The following BTD variants were observed in gnomAD, a reference collection of about 807,000 sequenced individuals.
The protein encoded by BTD is biotinidase.
Under a neutral mutation model 17.7 loss-of-function variants are expected in BTD, and 13 were observed. The ratio of observed to expected loss-of-function variants is 0.74; its 90% CI spans 0.48 to 1.17. The LOEUF is 1.17. Ranked by LOEUF, BTD falls within the 50% of genes most tolerant of loss-of-function variation. The pLI is 0.00. For missense variants in BTD, 674 were observed against 650.4 expected (o/e 1.04, Z -0.39); for synonymous variants, 240 against 245.2 (o/e 0.98, Z 0.20).
intron 3 of BTD, among the ~76,000 whole-genome samples, chr3:15,692,026 G>C (rs1265715549): frequency 6.6e-6 from 1 of 151,816 alleles, no homozygotes; most frequent in East Asian, 1.9e-4. Context: ...TGTGGTCCCA[G>C]CTATGCAGGA....
In BTD at chr3:15,676,803, T is replaced by C. The variant is rs1395665225; in HGVS notation, c.400-33257T>C. 3 of 483,518 alleles carry C rather than the reference T, an allele frequency of 6.2e-6. No homozygotes were observed. The East Asian group carries it at 1.0e-4, about 17-fold the overall frequency. The allele number at this position is 483,518 out of a possible 1,614,324, so 30.0% of individuals were successfully genotyped here. ...CAGTTCAAAAGCATTTTAAATAATA[T>C]GGCTTTTAGTTGTGATCATTTTAGA... On this transcript the variant is annotated intron_variant, in intron 3 of 3. Transcript: ENST00000672141.
chr3:15,686,284 T>A (rs1316494282), intron 3 of BTD: 2 of 1,587,042 alleles, frequency 1.3e-6, no homozygotes, highest in Non-Finnish European at 1.7e-6. Context: ...TTAATAGCCG[T>A]AAGCATTCTG....
chr3:15,655,708 A>T (rs973217010), downstream of BTD, among the ~76,000 whole-genome samples: 1 of 152,032 alleles, frequency 6.6e-6, no homozygotes, highest in Non-Finnish European at 1.5e-5. Context: ...ATCCTTGGAG[A>T]CTCTCATTGT....
exon 4 of BTD, chr3:15,711,404 G>A (rs770157408): frequency 1.5e-6 from 1 of 676,462 alleles, no homozygotes; most frequent in African/African-American, 1.8e-5. Flanking sequence ...AAGTGCTAGA[G>A]TGCCTGTTTA....
At chr3:15,721,447 A>G (rs2073717430) in intron 4 of BTD, among the ~76,000 whole-genome samples, 1 of 152,230 alleles carries the variant, frequency 6.6e-6, no homozygotes, top group Non-Finnish European at 1.5e-5. Flanking sequence ...CGTTCTAGGT[A>G]AAGGATTTAC....
intron 1 of BTD, among the ~76,000 whole-genome samples, chr3:15,628,491 T>G (rs151125972): frequency 2.6e-5 from 4 of 152,360 alleles, no homozygotes; most frequent in Admixed American, 6.5e-5. Flanking sequence ...GTCCACATTA[T>G]CTAGAAGGTG....
At chr3:15,665,463 A>C (rs981367434) in intron 3 of BTD, among the ~76,000 whole-genome samples, 2 of 152,244 alleles carry the variant, frequency 1.3e-5, no homozygotes, top group African/African-American at 4.8e-5. Context: ...CTGCCAAGCA[A>C]GAACTTTCCA....
chr3:15,702,854 T>A (rs2070812523), intron 3 of BTD, among the ~76,000 whole-genome samples: 1 of 152,064 alleles, frequency 6.6e-6, no homozygotes, highest in South Asian at 2.1e-4. Context: ...AAAATCAGTT[T>A]TAAAAAATAC....
chr3:15,608,821 C>T (rs117195838), intron 1 of BTD, among the ~76,000 whole-genome samples: 3,320 of 151,988 alleles, frequency 0.022, 218 homozygotes, highest in Admixed American at 0.12. Flanking sequence ...ATTCCATACT[C>T]GGGGGAGTGT....
downstream of BTD, among the ~76,000 whole-genome samples, chr3:15,715,336 A>C (rs2072876047): frequency 6.6e-6 from 1 of 152,232 alleles, no homozygotes; most frequent in Non-Finnish European, 1.5e-5. Flanking sequence ...TCACAGCAAC[A>C]TTCAGCATGC....
At chr3:15,636,412 A>C (rs2065349268) in intron 2 of BTD, among the ~76,000 whole-genome samples, 1 of 152,170 alleles carries the variant, frequency 6.6e-6, no homozygotes, top group Non-Finnish European at 1.5e-5. Context: ...TGCTCCCTTC[A>C]GGAAGGGTGG....
Position 15,683,542 on chromosome 3 carries a change from G to A in BTD, c.400-26518G>A, listed in dbSNP as rs138481129. Among the ~76,000 whole-genome samples the A allele has an allele frequency of 9.9e-5, 15 of 152,252 alleles. No individual in the cohort carries two copies. The East Asian group carries it at 2.9e-3, about 29-fold the overall frequency. ...AGGATTTAAGGTAGTAAAAAACAAAGAGACTAAACTAGCTTGTTCAATGAG... is the reference window on the plus strand; with the variant it reads ...AGGATTTAAGGTAGTAAAAAACAAAAAGACTAAACTAGCTTGTTCAATGAG... On this transcript the variant is annotated intron_variant, in intron 3 of 3. Coordinates refer to the BTD transcript ENST00000672141.
chr3:15,604,441 AC>A (rs2064381709), intron 1 of BTD, among the ~76,000 whole-genome samples: 1 of 152,152 alleles, frequency 6.6e-6, no homozygotes. Context: ...CCTGGACCTG[AC>A]CCATGAAACC....
At chr3:15,625,828 T>G (rs1321878443) in intron 1 of BTD, among the ~76,000 whole-genome samples, 2 of 152,232 alleles carry the variant, frequency 1.3e-5, no homozygotes, top group Non-Finnish European at 2.9e-5. Flanking sequence ...GTGCTGGGAT[T>G]ACAGGCGTGA....
chr3:15,690,263 G>A (rs1278106000), intron 3 of BTD: 1 of 1,439,648 alleles, frequency 6.9e-7, no homozygotes, highest in African/African-American at 1.4e-5. Context: ...TACATATTTA[G>A]ACTGACTTCC....
chr3:15,679,307 T>C, intron 3 of BTD: 2 of 1,613,872 alleles, frequency 1.2e-6, no homozygotes, highest in Middle Eastern at 1.6e-4. Context: ...CTACCTTCCT[T>C]TTGAATCTGT....
chr3:15,604,207 A>G (rs2064370928), intron 1 of BTD, among the ~76,000 whole-genome samples: 1 of 152,246 alleles, frequency 6.6e-6, no homozygotes, highest in East Asian at 1.9e-4. Flanking sequence ...CTGCCTGGAC[A>G]TCCAGGCATT....
chr3:15,622,547 T>C (rs78778685), intron 1 of BTD, among the ~76,000 whole-genome samples: 3,268 of 152,322 alleles, frequency 0.021, 223 homozygotes, highest in East Asian at 0.13. Context: ...AAGTAGTCTA[T>C]AGATGTCCCT....
At position 15,677,540 on chromosome 3, in the gene BTD, A is replaced by C. The variant is rs759882787; in HGVS notation, c.400-32520A>C. The C allele has an allele frequency of 2.0e-5, 32 of 1,612,832 alleles. No individual in the cohort carries two copies. In the East Asian group the frequency reaches 6.5e-4, roughly 33 times the overall value. On this transcript the variant is annotated intron_variant, in intron 3 of 3. Transcript: ENST00000672141. The stretch of plus-strand genomic sequence containing the variant: ...TGTTATCTTGTAAAGTCAGTTCTGC[A>C]CTAGCACTGCTAACCAGCATCTCTG...
Sources: gnomAD v4.1 joint callset for allele counts (sites outside exome capture counted in the v4.1 genomes callset) on GRCh38, gnomAD v4.1.1 for gene constraint, MANE v1.5 for transcripts, NCBI Gene and HGNC (gene_info 2026-07-23, HGNC 2026-07-21) for gene names.